USH2A: variants seen among roughly 807,000 people sequenced by gnomAD.
USH2A encodes Usher syndrome 2A (autosomal recessive, mild).
Under a neutral mutation model 538.9 loss-of-function variants are expected in USH2A, and 443 were observed. The ratio of observed to expected loss-of-function variants is 0.82; its 90% confidence interval spans 0.76 to 0.89. The LOEUF (loss-of-function observed/expected upper bound fraction) is 0.89. Among genes scored for constraint, USH2A ranks in the 40% least tolerant of loss-of-function variants. The probability of loss-of-function intolerance (pLI) is 0.00; values close to 1 mark genes in which losing one functional copy is unlikely to be tolerated. For missense variants in USH2A, 6,633 were observed against 6,324.8 expected (o/e 1.05, Z -1.65); for synonymous variants, 2,413 against 2,273.5 (o/e 1.06, Z -1.75).
At chr1:215,855,288 T>C (rs542820450) in intron 44 of USH2A, among the ~76,000 whole-genome samples, 1 of 152,120 alleles carries the variant, frequency 6.6e-6, no homozygotes, top group Non-Finnish European at 1.5e-5. Context: ...GTTAAATAAA[T>C]TCAGCAAAGT....
intron 30 of USH2A, among the ~76,000 whole-genome samples, chr1:216,067,931 GA>G (rs765813118): frequency 1.1e-4 from 17 of 152,132 alleles, no homozygotes; most frequent in Non-Finnish European, 2.4e-4. Flanking sequence ...AAAAATGAAA[GA>G]GAAAGAGAAG....
At chr1:215,721,777 A>T (rs1329275486) in intron 61 of USH2A, among the ~76,000 whole-genome samples, 1 of 152,152 alleles carries the variant, frequency 6.6e-6, no homozygotes, top group Non-Finnish European at 1.5e-5. Context: ...ACAACTAAAA[A>T]GTTTTGCCAT....
At chr1:215,963,973 G>C (rs1182981187) in intron 37 of USH2A, among the ~76,000 whole-genome samples, 8 of 152,122 alleles carry the variant, frequency 5.3e-5, no homozygotes, top group Non-Finnish European at 1.2e-4. Flanking sequence ...TTTTCTACAA[G>C]GGCTGTTCGG....
chr1:215,998,541 G>A (rs1313843617), intron 34 of USH2A, among the ~76,000 whole-genome samples: 2 of 152,022 alleles, frequency 1.3e-5, no homozygotes, highest in African/African-American at 4.8e-5. Context: ...GAATACAAAT[G>A]CCACAGGGAA....
At chr1:215,626,319 A>C (rs956491380) in intron 71 of USH2A, among the ~76,000 whole-genome samples, 3 of 150,126 alleles carry the variant, frequency 2.0e-5, no homozygotes, top group South Asian at 2.1e-4. Flanking sequence ...ATATGTATGT[A>C]TGTATGTATG....
chr1:215,738,659 A>T (rs1483429256), intron 60 of USH2A, among the ~76,000 whole-genome samples: 1 of 152,184 alleles, frequency 6.6e-6, no homozygotes, highest in Admixed American at 6.5e-5. Flanking sequence ...AAAGAAAATG[A>T]TTCAGGGTCT....
At chr1:215,955,747 T>C (rs1558180902) in intron 37 of USH2A, among the ~76,000 whole-genome samples, 1 of 152,170 alleles carries the variant, frequency 6.6e-6, no homozygotes, top group Non-Finnish European at 1.5e-5. Context: ...AAGTAACACA[T>C]TGATTATGAA....
chr1:216,401,788 T>C (rs960305057), intron 3 of USH2A, among the ~76,000 whole-genome samples: 3 of 152,040 alleles, frequency 2.0e-5, no homozygotes, highest in African/African-American at 4.8e-5. Context: ...AACAGAACTT[T>C]AACATGCATG....
chr1:216,101,132 G>A (rs763470672), intron 21 of USH2A, among the ~76,000 whole-genome samples: 11 of 152,128 alleles, frequency 7.2e-5, no homozygotes, highest in South Asian at 2.1e-4. Context: ...AAATGCACAC[G>A]TTCACTGAAA....
At chr1:215,745,346 CT>C (rs1660441536) in intron 58 of USH2A, among the ~76,000 whole-genome samples, 1 of 152,150 alleles carries the variant, frequency 6.6e-6, no homozygotes, top group African/African-American at 2.4e-5. Context: ...TGAATAGTGG[CT>C]TAAAAACATG....
At chr1:216,188,694 G>T (rs2034656546) in intron 20 of USH2A, among the ~76,000 whole-genome samples, 1 of 151,870 alleles carries the variant, frequency 6.6e-6, no homozygotes, top group Admixed American at 6.6e-5. Context: ...TAACACTGAA[G>T]GTATCAGACA....
intron 30 of USH2A, among the ~76,000 whole-genome samples, chr1:216,065,630 C>T (rs761536027): frequency 3.3e-5 from 5 of 152,204 alleles, no homozygotes; most frequent in Non-Finnish European, 7.3e-5. Flanking sequence ...GGTGCAGTGG[C>T]TCATGCCTGT....
intron 3 of USH2A, among the ~76,000 whole-genome samples, chr1:216,398,584 C>T (rs559195441): frequency 6.6e-6 from 1 of 152,132 alleles, no homozygotes; most frequent in East Asian, 1.9e-4. Flanking sequence ...TCCCCACACA[C>T]ACTCACACAC....
chr1:215,801,037 C>T (rs1185081722), intron 49 of USH2A, among the ~76,000 whole-genome samples: 1 of 151,964 alleles, frequency 6.6e-6, no homozygotes, highest in Non-Finnish European at 1.5e-5. Flanking sequence ...AAAAAAGAAA[C>T]ACATGATTAT....
intron 38 of USH2A, among the ~76,000 whole-genome samples, chr1:215,906,323 G>T (rs896681379): frequency 6.6e-6 from 1 of 151,942 alleles, no homozygotes; most frequent in African/African-American, 2.4e-5. Flanking sequence ...CTAATCCTCA[G>T]AATTACACTC....
intron 9 of USH2A, among the ~76,000 whole-genome samples, chr1:216,294,565 G>GAT (rs1317477867): frequency 1.3e-5 from 2 of 151,066 alleles, no homozygotes; most frequent in Admixed American, 1.3e-4. Flanking sequence ...ATCGGGAGTG[G>GAT]ATATATATCT....
intron 38 of USH2A, among the ~76,000 whole-genome samples, chr1:215,920,605 C>A (rs1039992015): frequency 1.3e-5 from 2 of 151,940 alleles, no homozygotes; most frequent in Admixed American, 6.6e-5. Flanking sequence ...AACCCCTTCC[C>A]AGATGAGCAA....
chr1:216,001,756 C>A (rs1302220129), intron 32 of USH2A, among the ~76,000 whole-genome samples: 1 of 151,972 alleles, frequency 6.6e-6, no homozygotes, highest in Non-Finnish European at 1.5e-5. Context: ...GCACTGATAA[C>A]AAAAGTAAAC....
chr1:215,895,172 C>T (rs867963420), intron 40 of USH2A, among the ~76,000 whole-genome samples: 7 of 152,140 alleles, frequency 4.6e-5, no homozygotes, highest in African/African-American at 1.7e-4. Context: ...AGTAGGTACA[C>T]GGTAAATGTT....
Sources: gnomAD v4.1 joint callset for allele counts (sites outside exome capture counted in the v4.1 genomes callset) on GRCh38, gnomAD v4.1.1 for gene constraint, MANE v1.5 for transcripts, NCBI Gene and HGNC (gene_info 2026-07-23, HGNC 2026-07-21) for gene names.